RANBP2: variants seen among roughly 807,000 people sequenced by gnomAD.
RANBP2 encodes RAN binding protein 2.
Under a neutral mutation model 303.6 loss-of-function variants are expected in RANBP2, and 57 were observed. That is an observed-to-expected ratio of 0.19 (90% CI 0.15 to 0.23). The LOEUF is 0.23. Ranked by LOEUF, RANBP2 falls within the 10% of genes least tolerant of loss-of-function variation. The pLI is 1.00. For synonymous variants in RANBP2, 1,167 were observed against 1,301.5 expected (o/e 0.90, Z 2.23); for missense variants, 3,138 against 3,780.8 (o/e 0.83, Z 4.46).
the RANBP2 span, among the ~76,000 whole-genome samples, chr2:109,156,371 G>T: frequency 6.6e-6 from 1 of 152,160 alleles, no homozygotes; most frequent in Non-Finnish European, 1.5e-5. Flanking sequence ...GCTGGAGAAG[G>T]AAGTATCCAC....
At chr2:109,145,639 C>T in the RANBP2 span, among the ~76,000 whole-genome samples, 1 of 152,208 alleles carries the variant, frequency 6.6e-6, no homozygotes, top group African/African-American at 2.4e-5. Flanking sequence ...TCTAGACTCT[C>T]GTGGACTTCC....
the RANBP2 span, among the ~76,000 whole-genome samples, chr2:109,188,204 T>G: frequency 6.6e-6 from 1 of 152,232 alleles, no homozygotes; most frequent in South Asian, 2.1e-4. Flanking sequence ...CCGAAGGGCT[T>G]TCCTGCTGCA....
At chr2:109,010,271 T>C in the RANBP2 span, among the ~76,000 whole-genome samples, 2 of 152,170 alleles carry the variant, frequency 1.3e-5, no homozygotes, top group African/African-American at 2.4e-5. Flanking sequence ...TTAGATACTA[T>C]TGGCATCCTC....
chr2:109,766,638 A>G, the RANBP2 span, among the ~76,000 whole-genome samples: 3 of 149,870 alleles, frequency 2.0e-5, no homozygotes, highest in Admixed American at 6.8e-5. Flanking sequence ...GTTAACCACA[A>G]TGGGTCTAAT....
chr2:109,651,446 C>T, the RANBP2 span, among the ~76,000 whole-genome samples: 3 of 152,158 alleles, frequency 2.0e-5, no homozygotes, highest in African/African-American at 7.2e-5. Flanking sequence ...TATGACCATA[C>T]AAGAGGAGAA....
chr2:108,872,114 T>C, the RANBP2 span, among the ~76,000 whole-genome samples: 1 of 152,214 alleles, frequency 6.6e-6, no homozygotes, highest in South Asian at 2.1e-4. Context: ...TTTAATCTCT[T>C]TTGCTTTTGT....
chr2:108,943,018 G>C, the RANBP2 span, among the ~76,000 whole-genome samples: 184 of 152,294 alleles, frequency 1.2e-3, 1 homozygote, highest in Non-Finnish European at 9.7e-4. Flanking sequence ...CAGGTGACCC[G>C]CATGGTGCAG....
intron 23 of RANBP2, among the ~76,000 whole-genome samples, chr2:108,773,660 T>C (rs749946): frequency 1.3e-5 from 2 of 149,516 alleles, no homozygotes; most frequent in Non-Finnish European, 3.0e-5. Context: ...TTTTTTTTTT[T>C]GGGGGGGGAT....
chr2:109,184,351 G>C, the RANBP2 span, among the ~76,000 whole-genome samples: 1 of 152,192 alleles, frequency 6.6e-6, no homozygotes, highest in Non-Finnish European at 1.5e-5. Context: ...TCGCACAAAG[G>C]CCAGGAGTTT....
At chr2:109,212,712 A>G in the RANBP2 span, among the ~76,000 whole-genome samples, 1 of 152,226 alleles carries the variant, frequency 6.6e-6, no homozygotes, top group Non-Finnish European at 1.5e-5. Context: ...TAATTGTTGT[A>G]TAATAAAGAC....
the RANBP2 span, among the ~76,000 whole-genome samples, chr2:109,100,346 A>C: frequency 1.3e-5 from 2 of 152,196 alleles, no homozygotes; most frequent in Admixed American, 6.5e-5. Context: ...GAGCTGTGCA[A>C]GCGAGGGATC....
At chr2:109,554,257 G>A in the RANBP2 span, among the ~76,000 whole-genome samples, 69 of 152,252 alleles carry the variant, frequency 4.5e-4, no homozygotes, top group Non-Finnish European at 1.5e-4. Flanking sequence ...CTCCTACCAC[G>A]ATGTAATTCA....
intron 9 of RANBP2, 125 bp from the exon 10 acceptor site, chr2:108,751,139 A>G (rs1675847338): frequency 6.7e-7 from 1 of 1,502,516 alleles, no homozygotes; most frequent in Non-Finnish European, 9.0e-7. Flanking sequence ...AATTCCCTTC[A>G]GCTTTGATAT....
At chr2:109,413,176 G>A in the RANBP2 span, among the ~76,000 whole-genome samples, 9 of 152,168 alleles carry the variant, frequency 5.9e-5, no homozygotes, top group Non-Finnish European at 1.0e-4. Flanking sequence ...GTGCAGTGGC[G>A]TGATCTCAGC....
chr2:109,144,037 G>A, the RANBP2 span, among the ~76,000 whole-genome samples: 2 of 152,240 alleles, frequency 1.3e-5, no homozygotes, highest in African/African-American at 4.8e-5. Context: ...AGGTGGTTAC[G>A]AGGCGCCGGA....
the RANBP2 span, among the ~76,000 whole-genome samples, chr2:108,951,391 G>A: frequency 1.3e-5 from 2 of 152,188 alleles, no homozygotes; most frequent in African/African-American, 4.8e-5. Context: ...TGTGTCCAAG[G>A]TCATACAGGA....
chr2:108,746,442 C>T (rs569329923), intron 7 of RANBP2, among the ~76,000 whole-genome samples: 1 of 144,696 alleles, frequency 6.9e-6, no homozygotes, highest in South Asian at 2.2e-4. Flanking sequence ...AGGCTGGTCT[C>T]GAACTCCTGA....
chr2:109,121,352 T>C, the RANBP2 span, among the ~76,000 whole-genome samples: 1 of 152,098 alleles, frequency 6.6e-6, no homozygotes, highest in Non-Finnish European at 1.5e-5. Flanking sequence ...AAAAACAAAG[T>C]CTTAATTTTA....
At chr2:109,123,319 T>TTTCTTTCCTTCC in the RANBP2 span, among the ~76,000 whole-genome samples, 6 of 129,940 alleles carry the variant, frequency 4.6e-5, no homozygotes, top group Non-Finnish European at 8.0e-5. Context: ...CTTTTCTTTC[T>TTTCTTTCCTTCC]TTCCTTCCTT....
Sources: gnomAD v4.1 joint callset for allele counts (sites outside exome capture counted in the v4.1 genomes callset) on GRCh38, gnomAD v4.1.1 for gene constraint, MANE v1.5 for transcripts, NCBI Gene and HGNC (gene_info 2026-07-23, HGNC 2026-07-21) for gene names.